CNTN4: variants seen among roughly 807,000 people sequenced by gnomAD.
The protein encoded by CNTN4 is contactin 4.
CNTN4 carries 77 observed loss-of-function variants against 122.5 expected under a neutral mutation model. That is an observed-to-expected ratio of 0.63 (90% CI 0.52 to 0.76). The LOEUF is 0.76. Among genes scored for constraint, CNTN4 ranks in the 30% least tolerant of loss-of-function variants. The pLI, the probability that CNTN4 is intolerant of heterozygous loss-of-function variation, is 0.00. For missense variants in CNTN4, 1,256 were observed against 1,259.1 expected, an observed-to-expected ratio of 1.00 and a Z score of 0.04; for synonymous variants, 512 against 447.0, an observed-to-expected ratio of 1.15 and a Z score of -1.83.
intron 2 of CNTN4, among the ~76,000 whole-genome samples, chr3:2,291,592 T>C (rs1217296090): frequency 2.6e-5 from 4 of 152,144 alleles, no homozygotes; most frequent in African/African-American, 9.7e-5. Context: ...CATAGGATAA[T>C]GCTAATATAA....
intron 2 of CNTN4, among the ~76,000 whole-genome samples, chr3:2,176,601 G>T (rs1280710044): frequency 1.3e-5 from 2 of 152,118 alleles, no homozygotes; most frequent in African/African-American, 4.8e-5. Context: ...AATGGAGGAT[G>T]TTTGCTAATG....
At chr3:2,644,488 T>G (rs1039194708) in intron 4 of CNTN4, among the ~76,000 whole-genome samples, 1 of 152,140 alleles carries the variant, frequency 6.6e-6, no homozygotes, top group African/African-American at 2.4e-5. Context: ...GGAGATGATA[T>G]CTATCTTGCC....
intron 3 of CNTN4, among the ~76,000 whole-genome samples, chr3:2,467,121 G>C (rs187610898): frequency 1.1e-3 from 154 of 146,486 alleles, no homozygotes; most frequent in Non-Finnish European, 1.9e-3. Context: ...TGGATGATAT[G>C]CAAAATTATG....
At chr3:2,999,043 T>G (rs768206171) in intron 14 of CNTN4, 1 of 152,228 alleles carries the variant, frequency 6.6e-6, no homozygotes, top group Non-Finnish European at 1.5e-5. Context: ...TATATTTTCT[T>G]CTAGAATTAC....
At chr3:2,261,429 T>G (rs541303337) in intron 2 of CNTN4, among the ~76,000 whole-genome samples, 2 of 152,214 alleles carry the variant, frequency 1.3e-5, no homozygotes, top group Non-Finnish European at 2.9e-5. Flanking sequence ...GGTATTCATA[T>G]ATAAGATTTT....
intron 5 of CNTN4, among the ~76,000 whole-genome samples, chr3:2,739,065 T>C (rs938050123): frequency 1.3e-5 from 2 of 152,066 alleles, no homozygotes; most frequent in African/African-American, 4.8e-5. Context: ...AACAACCTAG[T>C]GGAAACATTA....
At chr3:2,686,035 G>A (rs1302256741) in intron 4 of CNTN4, among the ~76,000 whole-genome samples, 1 of 152,134 alleles carries the variant, frequency 6.6e-6, no homozygotes, top group African/African-American at 2.4e-5. Flanking sequence ...TTGCAAGTGT[G>A]AATACACACA....
At chr3:3,007,499 C>G (rs1189309120) in intron 14 of CNTN4, among the ~76,000 whole-genome samples, 1 of 152,162 alleles carries the variant, frequency 6.6e-6, no homozygotes, top group Non-Finnish European at 1.5e-5. Flanking sequence ...CTGTGGTTAT[C>G]TATAATATCT....
chr3:3,026,039 G>A (rs1698690306), intron 14 of CNTN4, 63 bp from the exon 15 acceptor site: 1 of 1,478,562 alleles, frequency 6.8e-7, no homozygotes, highest in Non-Finnish European at 9.4e-7. Context: ...AGTCTACATT[G>A]TATTTCCACA....
At chr3:2,659,520 A>G (rs2083773576) in intron 4 of CNTN4, among the ~76,000 whole-genome samples, 1 of 151,694 alleles carries the variant, frequency 6.6e-6, no homozygotes, top group African/African-American at 2.4e-5. Context: ...AGAGAGGGCA[A>G]ATGTGTATTA....
intron 2 of CNTN4, among the ~76,000 whole-genome samples, chr3:2,296,665 A>G (rs1422427450): frequency 1.3e-5 from 2 of 152,138 alleles, no homozygotes; most frequent in Admixed American, 6.5e-5. Flanking sequence ...AAAGAGCAAC[A>G]CTAACTTTGA....
chr3:2,873,041 G>A (rs989101834), intron 8 of CNTN4, among the ~76,000 whole-genome samples: 3 of 152,166 alleles, frequency 2.0e-5, no homozygotes, highest in South Asian at 2.1e-4. Context: ...AAGCCCAAAC[G>A]ATGACCTCAG....
chr3:2,627,753 A>T (rs371824834), intron 4 of CNTN4, among the ~76,000 whole-genome samples: 4 of 152,104 alleles, frequency 2.6e-5, no homozygotes, highest in Non-Finnish European at 5.9e-5. Context: ...TCGGCCTCCC[A>T]AAGTGCTGGG....
intron 4 of CNTN4, among the ~76,000 whole-genome samples, chr3:2,701,545 C>G (rs887028597): frequency 1.3e-5 from 2 of 152,164 alleles, no homozygotes; most frequent in African/African-American, 4.8e-5. Context: ...TTTGCTTTCT[C>G]TGTGAATGGT....
At position 2,616,892 on chromosome 3, in the gene CNTN4, AG is replaced by A. The variant is rs376013378; in HGVS notation, c.55+45336del. On this transcript the variant is annotated intron_variant, in intron 4 of 24. Coordinates refer to ENST00000418658, the MANE Select transcript of CNTN4 (RefSeq NM_175607.3). Reference sequence around the variant, plus strand: ...CCTGACAAAAACAAGCAATGGGGAAAGGATCTCCTATTCAATAAATGGTGCT... The same window carrying A: ...CCTGACAAAAACAAGCAATGGGGAAAGATCTCCTATTCAATAAATGGTGCT... Among the ~76,000 whole-genome samples, 114 of 152,316 alleles carry A rather than the reference AG, an allele frequency of 7.5e-4. 2 individuals are homozygous for A. The highest frequency in any genetic ancestry group is 2.5e-3 in the African/African-American group (104 of 41,566).
chr3:2,385,545 C>T lies in CNTN4; in HGVS notation c.-89+46312C>T, dbSNP rs1371434132. On this transcript the variant is annotated intron_variant, in intron 3 of 24. Transcript: ENST00000418658. This position sits in a 1 kb window ranked among gnomAD's most constrained non-coding sequence, Gnocchi z 4.0. ...TCTCACACTTCTAGAGGCCAGAAGT[C>T]CAAAATCAGGTGTTGGTAGGGCTGT... Among the ~76,000 whole-genome samples the T allele has an allele frequency of 6.6e-6, 1 of 152,048 alleles. No homozygotes were observed. The highest frequency in any genetic ancestry group is 1.5e-5 in the Non-Finnish European group (1 of 68,010).
chr3:2,920,006 A>G (rs1042918432), intron 12 of CNTN4, among the ~76,000 whole-genome samples: 5 of 152,108 alleles, frequency 3.3e-5, no homozygotes, highest in African/African-American at 4.8e-5. Context: ...GCCATACCTA[A>G]TCCTACTTGT....
rs537213192 is a variant in CNTN4, at chr3:2,123,367, T to C, written c.-145+22728T>C. Among the ~76,000 whole-genome samples the C allele has an allele frequency of 1.8e-4, 27 of 152,352 alleles. No individual in the cohort carries two copies. In the South Asian group the frequency reaches 5.6e-3, roughly 32 times the overall value. On this transcript the variant is annotated intron_variant, in intron 2 of 24. Transcript: ENST00000418658. The stretch of plus-strand genomic sequence containing the variant: ...CAGAGGAGTTTTTCCTTTTATTGCA[T>C]CATTGCAATTGACCATCAGAATCAC...
At chr3:2,792,464 A>C (rs2092041225) in intron 6 of CNTN4, among the ~76,000 whole-genome samples, 1 of 152,238 alleles carries the variant, frequency 6.6e-6, no homozygotes, top group Non-Finnish European at 1.5e-5. Context: ...GATGTTTTTA[A>C]AGTATCTAAA....
Sources: gnomAD v4.1 joint callset for allele counts (sites outside exome capture counted in the v4.1 genomes callset) on GRCh38, gnomAD v4.1.1 for gene constraint, Gnocchi (gnomAD v3.1) non-coding constraint, MANE v1.5 for transcripts, NCBI Gene and HGNC (gene_info 2026-07-23, HGNC 2026-07-21) for gene names.